Variants in RNF220 observed in about 807,000 individuals in gnomAD.
RNF220 encodes E3 ubiquitin-protein ligase RNF220.
Under a neutral mutation model 67.1 loss-of-function variants are expected in RNF220, and 7 were observed. That is an observed-to-expected ratio of 0.10 (90% CI 0.06 to 0.20). RNF220 has a LOEUF of 0.20. Ranked by LOEUF, RNF220 falls within the 10% of genes least tolerant of loss-of-function variation. RNF220 has a pLI of 1.00. For synonymous variants in RNF220, 270 were observed against 283.2 expected, an observed-to-expected ratio of 0.95 and a Z score of 0.47; for missense variants, 565 against 740.3, an observed-to-expected ratio of 0.76 and a Z score of 2.75.
intron 2 of RNF220, among the ~76,000 whole-genome samples, chr1:44,460,551 A>T (rs1430644458): frequency 1.3e-5 from 2 of 152,202 alleles, no homozygotes; most frequent in Non-Finnish European, 2.9e-5. Flanking sequence ...GTAAAATGGG[A>T]GATCGGAGAG....
intron 2 of RNF220, among the ~76,000 whole-genome samples, chr1:44,584,630 C>A (rs1437297522): frequency 6.6e-6 from 1 of 152,184 alleles, no homozygotes; most frequent in Admixed American, 6.5e-5. Context: ...TATATGTAGC[C>A]CAAGAATTGC....
intron 2 of RNF220, among the ~76,000 whole-genome samples, chr1:44,537,781 A>G (rs1661349140): frequency 1.3e-5 from 2 of 152,210 alleles, no homozygotes; most frequent in South Asian, 4.1e-4. Context: ...CGAAGCCCAG[A>G]AAAGTGCAGA....
chr1:44,594,271 C>T (rs146692210), intron 2 of RNF220, among the ~76,000 whole-genome samples: 3 of 152,098 alleles, frequency 2.0e-5, no homozygotes, highest in African/African-American at 4.8e-5. Context: ...TGCCTCCCCC[C>T]CTCCCTCCTT....
At position 44,622,066 on chromosome 1, in the gene RNF220, C is replaced by T. The variant is rs1643818585; in HGVS notation, c.759-676C>T. Among the ~76,000 whole-genome samples the T allele has an allele frequency of 1.3e-5, 2 of 152,212 alleles. No individual in the cohort carries two copies. The highest frequency in any genetic ancestry group is 6.5e-5 in the Admixed American group (1 of 15,290). On this transcript the variant is annotated intron_variant, in intron 3 of 14. Transcript: ENST00000361799. The surrounding 1 kb of genome is among the most constrained non-coding windows in gnomAD (Gnocchi z 4.3). The stretch of plus-strand genomic sequence containing the variant: ...ATCTGTTTAGCAGGGATTTGTAATA[C>T]TTTGTGGCTCTGGATCACTCATGCT...
intron 3 of RNF220, among the ~76,000 whole-genome samples, chr1:44,616,489 TA>T (rs1221182744): frequency 6.6e-6 from 1 of 152,144 alleles, no homozygotes; most frequent in Non-Finnish European, 1.5e-5. Context: ...GCAGAGGAGT[TA>T]AGTGACATCT....
chr1:44,458,963 C>T (rs1358748624), intron 2 of RNF220, among the ~76,000 whole-genome samples: 1 of 152,172 alleles, frequency 6.6e-6, no homozygotes, highest in Non-Finnish European at 1.5e-5. Flanking sequence ...CACTCTTGGA[C>T]GACAGCCTCT....
rs972575104 is a variant in RNF220 at position 44,622,683 on chromosome 1, C to T, written c.759-59C>T. 7.4e-6 allele frequency: 11 copies of T among 1,496,308 alleles called. No individual in the cohort carries two copies. The highest frequency in any genetic ancestry group is 1.0e-5 in the Non-Finnish European group (11 of 1,073,444). 92.7% of individuals were successfully genotyped at this position (1,496,308 alleles called of 1,614,324 possible). On this transcript the variant is annotated intron_variant, in intron 3 of 14. Coordinates refer to ENST00000361799, the MANE Select transcript of RNF220 (RefSeq NM_018150.4). This position sits in a 1 kb window ranked among gnomAD's most constrained non-coding sequence, Gnocchi z 4.3. The stretch of plus-strand genomic sequence containing the variant: ...TCTTTGGGGTCTTCTTGCTACTCTA[C>T]CGTTGCATGCCCTGGGCAGCAGGTA...
chr1:44,420,695 C>T (rs535767329), intron 2 of RNF220, among the ~76,000 whole-genome samples: 1 of 152,286 alleles, frequency 6.6e-6, no homozygotes, highest in African/African-American at 2.4e-5. Context: ...GACGTGTTAG[C>T]TTACTTGCTT....
intron 2 of RNF220, among the ~76,000 whole-genome samples, chr1:44,443,256 T>C (rs537944956): frequency 4.7e-5 from 7 of 149,308 alleles, no homozygotes; most frequent in Admixed American, 2.7e-4. Context: ...TGATTTATCA[T>C]GCTAATGTTA....
At position 44,444,140 on chromosome 1, in the gene RNF220, C is replaced by T. The variant is rs375024133; in HGVS notation, c.625+31418C>T. ...AGAACATTTCCAGCATGTGAGAAGC[C>T]CCTTGTATGTTTCTCCTTGATTATA... On this transcript the variant is annotated intron_variant, in intron 2 of 14. Coordinates refer to ENST00000361799, the MANE Select transcript of RNF220 (RefSeq NM_018150.4). Among the ~76,000 whole-genome samples the T allele has an allele frequency of 1.4e-3, 207 of 152,186 alleles. 1 individual carries two copies. Among genetic ancestry groups the T allele is most frequent in the African/African-American group, 4.9e-3 (204 of 41,548 alleles).
At chr1:44,627,322 G>A (rs1643984228) in intron 5 of RNF220, among the ~76,000 whole-genome samples, 1 of 140,696 alleles carries the variant, frequency 7.1e-6, no homozygotes, top group South Asian at 2.5e-4. Flanking sequence ...TCCAGCCTGG[G>A]TGACAGAGCA....
intron 2 of RNF220, among the ~76,000 whole-genome samples, chr1:44,523,760 C>T (rs944057425): frequency 1.3e-5 from 2 of 152,148 alleles, no homozygotes; most frequent in Non-Finnish European, 2.9e-5. Flanking sequence ...CTGCTATCCC[C>T]CAGGGCCCAA....
chr1:44,505,767 C>T (rs898028641), intron 2 of RNF220, among the ~76,000 whole-genome samples: 7 of 152,134 alleles, frequency 4.6e-5, no homozygotes, highest in African/African-American at 1.7e-4. Context: ...CTCCCCACGG[C>T]AGGAGAATGC....
At chr1:44,561,022 T>C (rs1289676260) in intron 2 of RNF220, among the ~76,000 whole-genome samples, 1 of 152,222 alleles carries the variant, frequency 6.6e-6, no homozygotes, top group Non-Finnish European at 1.5e-5. Flanking sequence ...CAGCAAACAG[T>C]GATGCCAAGC....
At chr1:44,635,791 A>T in intron 7 of RNF220, 1 of 1,342,470 alleles carries the variant, frequency 7.4e-7, no homozygotes, top group Admixed American at 2.7e-5. Flanking sequence ...TTCCCTTCTG[A>T]CCACTGCTCT....
At chr1:44,519,054 T>C (rs970692040) in intron 2 of RNF220, among the ~76,000 whole-genome samples, 4 of 144,838 alleles carry the variant, frequency 2.8e-5, no homozygotes, top group African/African-American at 7.8e-5. Context: ...TTTGAACAGA[T>C]GGGCAGAGGC....
chr1:44,649,775 TA>T lies in RNF220; in HGVS notation c.1554+7del. 1 of 1,613,552 alleles carries T rather than the reference TA, an allele frequency of 6.2e-7. No individual in the cohort carries two copies. The stretch of plus-strand genomic sequence containing the variant: ...ACAAATGCCTCATCTGCATGGTGAG[TA>T]GAAAAGAACCTAGGGGTGCCCTTGG... On this transcript the variant is annotated splice_region_variant and intron_variant, in intron 13 of 14. Transcript: ENST00000361799. This position sits in a 1 kb window ranked among gnomAD's most constrained non-coding sequence, Gnocchi z 5.9.
At chr1:44,442,647 T>A (rs987347970) in intron 2 of RNF220, among the ~76,000 whole-genome samples, 4 of 151,914 alleles carry the variant, frequency 2.6e-5, no homozygotes, top group Admixed American at 6.6e-5. Context: ...CCTGAGTAGC[T>A]GGAGTTACCG....
In RNF220 at chr1:44,412,808, C is replaced by T. The variant is rs1648107120; in HGVS notation, c.625+86C>T. ...CAACAGGTCGGTGGCGTTTTGCATGCTCCTAGTAATAGGAAGGGCCAACTA... is the reference window on the plus strand; with the variant it reads ...CAACAGGTCGGTGGCGTTTTGCATGTTCCTAGTAATAGGAAGGGCCAACTA... On this transcript the variant is annotated intron_variant, in intron 2 of 14. Coordinates refer to ENST00000361799, the MANE Select transcript of RNF220 (RefSeq NM_018150.4). This position sits in a 1 kb window ranked among gnomAD's most constrained non-coding sequence, Gnocchi z 5.3. 16 of 1,476,124 alleles carry T rather than the reference C, an allele frequency of 1.1e-5. 1 individual carries two copies. Among genetic ancestry groups the T allele is most frequent in the South Asian group, 5.3e-5 (4 of 75,890 alleles). The allele number at this position is 1,476,124 out of a possible 1,614,324, so 91.4% of individuals were successfully genotyped here. A position where few individuals can be genotyped will look rare whatever the true frequency, so the allele number is the denominator to read the frequency against.
Sources: gnomAD v4.1 joint callset for allele counts (sites outside exome capture counted in the v4.1 genomes callset) on GRCh38, gnomAD v4.1.1 for gene constraint, Gnocchi (gnomAD v3.1) non-coding constraint, MANE v1.5 for transcripts, NCBI Gene and HGNC (gene_info 2026-07-23, HGNC 2026-07-21) for gene names.